The following CYP4X1 variants were observed in gnomAD, a reference collection of about 807,000 sequenced individuals.
The protein encoded by CYP4X1 is cytochrome P450 4X1.
In CYP4X1, 44 loss-of-function variants were observed where a neutral mutation model predicts 57.9. That is an observed-to-expected ratio of 0.76 (90% CI 0.60 to 0.98). CYP4X1 has a LOEUF of 0.98. CYP4X1 is among the 50% of genes least tolerant of loss of function. The pLI, the probability that CYP4X1 is intolerant of heterozygous loss-of-function variation, is 0.00. For synonymous variants in CYP4X1, 227 were observed against 228.6 expected (o/e 0.99, Z 0.06); for missense variants, 532 against 623.9 (o/e 0.85, Z 1.57).
chr1:47,026,729 G>GT lies in CYP4X1; in HGVS notation c.177+2741dup, dbSNP rs1310596472. 1.1e-4 allele frequency among the ~76,000 whole-genome samples: 17 copies of GT among 150,902 alleles called. No homozygotes were observed. The East Asian group carries it at 3.3e-3, about 29-fold the overall frequency. Reference sequence around the variant, plus strand: ...TTAATTTTTTTTGTTGTTTTTTTTTGTTTTTTGAGACAGAGTCCTGCTCTG... The same window carrying GT: ...TTAATTTTTTTTGTTGTTTTTTTTTGTTTTTTTGAGACAGAGTCCTGCTCTG... On this transcript the variant is annotated intron_variant, in intron 1 of 11. Transcript: ENST00000371901.
chr1:46,989,404 C>A, the CYP4X1 span, among the ~76,000 whole-genome samples: 1 of 151,986 alleles, frequency 6.6e-6, no homozygotes, highest in African/African-American at 2.4e-5. Context: ...TAAGAGACAA[C>A]ACAAACAAAT....
chr1:47,045,754 A>G (rs1644294251), intron 8 of CYP4X1, among the ~76,000 whole-genome samples: 2 of 152,210 alleles, frequency 1.3e-5, no homozygotes, highest in South Asian at 4.1e-4. Context: ...TCTCAAGAGG[A>G]AACTCCCTTT....
chr1:47,038,002 G>A (rs1389974557), intron 6 of CYP4X1, among the ~76,000 whole-genome samples: 2 of 152,148 alleles, frequency 1.3e-5, no homozygotes, highest in Non-Finnish European at 2.9e-5. Flanking sequence ...AGTATATTTG[G>A]ATGTTCTCGT....
At chr1:47,051,705 A>C (rs1644361118), downstream of CYP4X1, among the ~76,000 whole-genome samples, 1 of 152,060 alleles carries the variant, frequency 6.6e-6, no homozygotes, top group South Asian at 2.1e-4. Flanking sequence ...GTCTAAAACC[A>C]AATTTGTTTA....
At chr1:47,044,702 T>G (rs970121750) in intron 8 of CYP4X1, among the ~76,000 whole-genome samples, 6 of 152,230 alleles carry the variant, frequency 3.9e-5, no homozygotes, top group Non-Finnish European at 7.3e-5. Context: ...CACCCTCAAC[T>G]TTTGTTTATC....
At chr1:47,006,215 G>T in the CYP4X1 span, among the ~76,000 whole-genome samples, 1 of 152,082 alleles carries the variant, frequency 6.6e-6, no homozygotes, top group Non-Finnish European at 1.5e-5. Context: ...AATGAAGAAA[G>T]GTTTGTGATA....
intron 3 of CYP4X1, among the ~76,000 whole-genome samples, 193 bp downstream of exon 3, chr1:47,031,673 T>G (rs1005280585): frequency 1.3e-5 from 2 of 152,072 alleles, no homozygotes; most frequent in Non-Finnish European, 2.9e-5. Context: ...CCAGAAAGCT[T>G]CTTCATCCGT....
In CYP4X1 at chr1:47,035,961, T is replaced by C. The variant is rs375696340; in HGVS notation, c.620+28T>C. Reference sequence around the variant, plus strand: ...CAGTGGTGGGAGAGCAAAAAAGATATTTCTTCACATTTTCTAAGTTGTTTA... The same window carrying C: ...CAGTGGTGGGAGAGCAAAAAAGATACTTCTTCACATTTTCTAAGTTGTTTA... On this transcript the variant is annotated intron_variant, in intron 5 of 11. Coordinates refer to ENST00000371901, the MANE Select transcript of CYP4X1 (RefSeq NM_178033.2). 8 of 1,611,770 alleles carry C rather than the reference T, an allele frequency of 5.0e-6. No homozygotes were observed. The African/African-American group carries it at 9.4e-5, about 19-fold the overall frequency.
In CYP4X1 at chr1:47,050,332, C is replaced by A; in HGVS notation, c.*158C>A. On this transcript the variant is annotated 3_prime_UTR_variant, in exon 12 of 12. Coordinates refer to ENST00000371901, the MANE Select transcript of CYP4X1 (RefSeq NM_178033.2). ...AGATCCAAAATCATTTCTAGGTACACAGTGTGTCAGCTAGATCTGTTTCTA... is the reference window on the plus strand; with the variant it reads ...AGATCCAAAATCATTTCTAGGTACAAAGTGTGTCAGCTAGATCTGTTTCTA... The A allele has an allele frequency of 1.4e-6, 1 of 693,926 alleles. No individual in the cohort carries two copies. Among genetic ancestry groups the A allele is most frequent in the Non-Finnish European group, 2.4e-6 (1 of 421,188 alleles). 43.0% of individuals were successfully genotyped at this position (693,926 alleles called of 1,614,324 possible).
chr1:46,970,500 A>T, the CYP4X1 span, among the ~76,000 whole-genome samples: 1 of 152,118 alleles, frequency 6.6e-6, no homozygotes, highest in Non-Finnish European at 1.5e-5. Flanking sequence ...ATACAGGAAG[A>T]CTCACCTTGA....
chr1:47,015,175 GTAT>G, the CYP4X1 span, among the ~76,000 whole-genome samples: 1 of 152,134 alleles, frequency 6.6e-6, no homozygotes, highest in East Asian at 1.9e-4. Context: ...TTGTATCCTG[GTAT>G]TTCCCAGCAT....
the CYP4X1 span, among the ~76,000 whole-genome samples, chr1:46,973,251 C>T: frequency 6.6e-6 from 1 of 152,076 alleles, no homozygotes; most frequent in Non-Finnish European, 1.5e-5. Context: ...ATGTATTGAA[C>T]CACTCTTGCA....
chr1:46,999,235 T>C, the CYP4X1 span, among the ~76,000 whole-genome samples: 3 of 152,190 alleles, frequency 2.0e-5, no homozygotes, highest in African/African-American at 7.2e-5. Flanking sequence ...TTTTTATTAC[T>C]GATTCAATTT....
chr1:47,010,119 T>G, the CYP4X1 span, among the ~76,000 whole-genome samples: 1 of 152,068 alleles, frequency 6.6e-6, no homozygotes, highest in Admixed American at 6.5e-5. Flanking sequence ...AAAAGAGAAT[T>G]TTAGACCAAT....
At chr1:46,963,833 G>A in the CYP4X1 span, among the ~76,000 whole-genome samples, 2 of 152,248 alleles carry the variant, frequency 1.3e-5, no homozygotes, top group Non-Finnish European at 2.9e-5. Context: ...ATATCCTGAA[G>A]AGTGTTTTCC....
the CYP4X1 span, chr1:46,967,746 C>A: frequency 8.0e-7 from 1 of 1,254,362 alleles, no homozygotes; most frequent in Admixed American, 2.6e-5. Flanking sequence ...TTTTGAACTT[C>A]AGCAAAATTC....
At chr1:46,964,441 TTAG>T in the CYP4X1 span, among the ~76,000 whole-genome samples, 1 of 152,210 alleles carries the variant, frequency 6.6e-6, no homozygotes, top group Non-Finnish European at 1.5e-5. Flanking sequence ...TTTCTGTTTG[TTAG>T]TTTTCCTTCT....
chr1:46,962,415 G>T, the CYP4X1 span, among the ~76,000 whole-genome samples: 1 of 152,144 alleles, frequency 6.6e-6, no homozygotes, highest in African/African-American at 2.4e-5. Context: ...ACCTTGCCTG[G>T]CCAAGTATGA....
At chr1:46,987,011 C>A in the CYP4X1 span, among the ~76,000 whole-genome samples, 1 of 152,134 alleles carries the variant, frequency 6.6e-6, no homozygotes, top group Non-Finnish European at 1.5e-5. Context: ...ATGAAAAGAT[C>A]AAATTCACAC....
Sources: gnomAD v4.1 joint callset for allele counts (sites outside exome capture counted in the v4.1 genomes callset) on GRCh38, gnomAD v4.1.1 for gene constraint, MANE v1.5 for transcripts, NCBI Gene and HGNC (gene_info 2026-07-23, HGNC 2026-07-21) for gene names.